Variants in ZBTB7C observed in about 807,000 individuals in gnomAD.
The protein encoded by ZBTB7C is zinc finger and BTB domain-containing protein 7C.
A neutral mutation model predicts 25.7 loss-of-function variants in ZBTB7C; 8 were observed. The ratio of observed to expected loss-of-function variants is 0.31; its 90% confidence interval spans 0.18 to 0.56. The LOEUF (loss-of-function observed/expected upper bound fraction) is 0.56, where lower values mean the gene tolerates loss of function less well. ZBTB7C is among the 20% of genes least tolerant of loss of function. The probability of loss-of-function intolerance (pLI) is 0.91; values close to 1 mark genes in which losing one functional copy is unlikely to be tolerated. For missense variants in ZBTB7C, 824 were observed against 855.2 expected, an observed-to-expected ratio of 0.96 and a Z score of 0.46; for synonymous variants, 394 against 369.0, an observed-to-expected ratio of 1.07 and a Z score of -0.78.
intron 3 of ZBTB7C, among the ~76,000 whole-genome samples, chr18:48,068,731 C>A (rs1227245364): frequency 6.6e-6 from 1 of 152,158 alleles, no homozygotes; most frequent in East Asian, 1.9e-4. Flanking sequence ...AACCTTTGGG[C>A]AGGCTCCTGG....
At chr18:48,094,350 T>C (rs1429787281) in intron 3 of ZBTB7C, among the ~76,000 whole-genome samples, 1 of 152,214 alleles carries the variant, frequency 6.6e-6, no homozygotes, top group Non-Finnish European at 1.5e-5. Flanking sequence ...AGTTGTAGCA[T>C]TTGACGAGCA....
intron 2 of ZBTB7C, among the ~76,000 whole-genome samples, chr18:48,246,180 C>T (rs551366815): frequency 1.1e-4 from 16 of 152,144 alleles, no homozygotes; most frequent in East Asian, 7.8e-4. Context: ...AGGCCGGGCG[C>T]GGTGGCTCAC....
chr18:48,409,022 G>A (rs1437219922), intron 1 of ZBTB7C, among the ~76,000 whole-genome samples: 1 of 150,980 alleles, frequency 6.6e-6, no homozygotes, highest in South Asian at 2.1e-4. Context: ...CCGCGCGGAG[G>A]GCGCCCCTGC....
At chr18:48,251,730 G>A (rs912817536) in intron 2 of ZBTB7C, among the ~76,000 whole-genome samples, 2 of 152,196 alleles carry the variant, frequency 1.3e-5, no homozygotes, top group East Asian at 1.9e-4. Flanking sequence ...CAGCTTCTTC[G>A]TGGACTATGC....
At chr18:48,199,182 T>C (rs2042380956) in intron 2 of ZBTB7C, among the ~76,000 whole-genome samples, 1 of 152,234 alleles carries the variant, frequency 6.6e-6, no homozygotes, top group African/African-American at 2.4e-5. Context: ...TCTAGTATTC[T>C]GAAATTCCAC....
chr18:48,072,017 G>A (rs961451773), intron 3 of ZBTB7C, among the ~76,000 whole-genome samples: 2 of 152,182 alleles, frequency 1.3e-5, no homozygotes. Flanking sequence ...ATGGCTAGTG[G>A]TGATGTTTGC....
At chr18:48,377,938 G>A (rs149367371) in intron 1 of ZBTB7C, among the ~76,000 whole-genome samples, 3 of 152,318 alleles carry the variant, frequency 2.0e-5, no homozygotes, top group African/African-American at 4.8e-5. Flanking sequence ...TTGGGAGGCC[G>A]AGGTGGGCAG....
intron 2 of ZBTB7C, among the ~76,000 whole-genome samples, chr18:48,217,998 T>C: frequency 6.6e-6 from 1 of 152,126 alleles, no homozygotes; most frequent in Non-Finnish European, 1.5e-5. Context: ...AAGGTGACAC[T>C]GGGTCTCCTG....
chr18:48,046,126 A>C (rs1296146584), intron 3 of ZBTB7C, among the ~76,000 whole-genome samples: 2 of 152,228 alleles, frequency 1.3e-5, no homozygotes, highest in African/African-American at 2.4e-5. Context: ...CACAGAAACT[A>C]TGAGGCAATA....
intron 2 of ZBTB7C, among the ~76,000 whole-genome samples, chr18:48,211,083 T>C (rs2042692140): frequency 6.6e-6 from 1 of 152,174 alleles, no homozygotes; most frequent in East Asian, 1.9e-4. Flanking sequence ...AGCCAGTGAA[T>C]GGAGCAAAGA....
At chr18:48,226,632 G>T (rs1230143489) in intron 2 of ZBTB7C, among the ~76,000 whole-genome samples, 3 of 152,244 alleles carry the variant, frequency 2.0e-5, no homozygotes, top group African/African-American at 7.2e-5. Context: ...GTCACATGAG[G>T]TGTCACCCAT....
chr18:48,294,346 C>T (rs1193324647), intron 2 of ZBTB7C, among the ~76,000 whole-genome samples: 3 of 151,886 alleles, frequency 2.0e-5, no homozygotes, highest in Non-Finnish European at 2.9e-5. Context: ...TAATCCTGCA[C>T]ACCCCCACCC....
intron 3 of ZBTB7C, among the ~76,000 whole-genome samples, chr18:48,065,610 G>C (rs1449143649): frequency 1.3e-5 from 2 of 152,196 alleles, no homozygotes; most frequent in Non-Finnish European, 2.9e-5. Flanking sequence ...AGGTTGCTGG[G>C]CTGTTCAGCT....
chr18:48,360,516 G>C (rs1216339249), intron 1 of ZBTB7C, among the ~76,000 whole-genome samples: 1 of 152,238 alleles, frequency 6.6e-6, no homozygotes, highest in East Asian at 1.9e-4. Flanking sequence ...AGGCAGGCGG[G>C]CCAGGGCCAG....
chr18:48,251,127 G>C (rs1479055378), intron 2 of ZBTB7C, among the ~76,000 whole-genome samples: 1 of 151,918 alleles, frequency 6.6e-6, no homozygotes, highest in Non-Finnish European at 1.5e-5. Flanking sequence ...AGGAGAATGG[G>C]GCAGGACAAT....
chr18:48,367,175 T>TTATATATATATATG (rs2047243387), intron 1 of ZBTB7C, among the ~76,000 whole-genome samples: 1 of 62,278 alleles, frequency 1.6e-5, no homozygotes, highest in Non-Finnish European at 3.1e-5. Context: ...TCCCCAAGTT[T>TTATATATATATATG]TATATATATA....
rs868525212 is a variant in ZBTB7C, at chr18:48,367,200, T to C, written c.-303-28802A>G. ...TTATATATATATATATATATATATA[T>C]ATACACACACACACACACACACACA... On this transcript the variant is annotated intron_variant, in intron 1 of 4. Transcript: ENST00000590800. 4.8e-3 allele frequency among the ~76,000 whole-genome samples: 320 copies of C among 66,002 alleles called. 4 individuals are homozygous for C. The highest frequency in any genetic ancestry group is 0.014 in the African/African-American group (217 of 15,370). 43.3% of individuals were successfully genotyped at this position (66,002 alleles called of 152,430 possible). A position where few individuals can be genotyped will look rare whatever the true frequency, so the allele number is the denominator to read the frequency against.
At chr18:48,219,937 C>T (rs2042910768) in intron 2 of ZBTB7C, among the ~76,000 whole-genome samples, 1 of 152,082 alleles carries the variant, frequency 6.6e-6, no homozygotes, top group Non-Finnish European at 1.5e-5. Flanking sequence ...AAAGAGGAGG[C>T]CCCCATGTGT....
chr18:48,320,815 C>T (rs946310757), intron 2 of ZBTB7C, among the ~76,000 whole-genome samples: 1 of 152,206 alleles, frequency 6.6e-6, no homozygotes, highest in Non-Finnish European at 1.5e-5. Context: ...ATTCCACATG[C>T]TCTTTCCCAA....
Sources: allele counts gnomAD v4.1 joint callset (sites outside exome capture counted in the v4.1 genomes callset), GRCh38; gene constraint gnomAD v4.1.1; transcripts MANE v1.5; gene names NCBI Gene and HGNC (gene_info 2026-07-23, HGNC 2026-07-21).